OSBPL3: variants seen among roughly 807,000 people sequenced by gnomAD.
OSBPL3 encodes the protein oxysterol binding protein like 3, also known as oxysterol-binding protein-related protein 3.
A neutral mutation model predicts 120.1 loss-of-function variants in OSBPL3; 65 were observed. The ratio of observed to expected loss-of-function variants is 0.54; its 90% CI spans 0.44 to 0.67. OSBPL3 has a LOEUF of 0.67. OSBPL3 is among the 30% of genes least tolerant of loss of function. The pLI is 0.00. For missense variants in OSBPL3, 1,004 were observed against 1,082.1 expected, an observed-to-expected ratio of 0.93 and a Z score of 1.01; for synonymous variants, 416 against 402.6, an observed-to-expected ratio of 1.03 and a Z score of -0.40.
At position 24,937,664 on chromosome 7, in the gene OSBPL3, G is replaced by GT. The variant is rs1330162443; in HGVS notation, c.-150+42221dup. On this transcript the variant is annotated intron_variant, in intron 1 of 22. Coordinates refer to ENST00000313367, the MANE Select transcript of OSBPL3 (RefSeq NM_015550.4). The surrounding 1 kb of genome is among the most constrained non-coding windows in gnomAD (Gnocchi z 4.0). ...TACATATCTGGAAATAGAACTGGAG[G>GT]TTTATGGTGCTATCAGGCATAAAAC... Among the ~76,000 whole-genome samples the GT allele has an allele frequency of 6.6e-6, 1 of 152,164 alleles. No homozygotes were observed. Among genetic ancestry groups the GT allele is most frequent in the East Asian group, 1.9e-4 (1 of 5,198 alleles).
At position 24,877,392 on chromosome 7, in the gene OSBPL3, G is replaced by A. The variant is rs1021282428; in HGVS notation, c.97-5323C>T. Among the ~76,000 whole-genome samples, 1 of 152,066 alleles carries A rather than the reference G, an allele frequency of 6.6e-6. No individual in the cohort carries two copies. The highest frequency in any genetic ancestry group is 1.5e-5 in the Non-Finnish European group (1 of 68,010). On this transcript the variant is annotated intron_variant, in intron 2 of 22. Coordinates refer to ENST00000313367, the MANE Select transcript of OSBPL3 (RefSeq NM_015550.4). This position sits in a 1 kb window ranked among gnomAD's most constrained non-coding sequence, Gnocchi z 4.8. ...TGCATTTTAAGGCTGCCAAGTCTTC[G>A]CCATTCATTTTTTTTCATATTTGGA...
intron 2 of OSBPL3, among the ~76,000 whole-genome samples, chr7:24,890,387 C>T (rs1365334901): frequency 6.6e-6 from 1 of 152,132 alleles, no homozygotes; most frequent in Non-Finnish European, 1.5e-5. Flanking sequence ...AATGGCTGTG[C>T]CCTAAGTGAG....
chr7:24,868,351 GTGTGTGTGTGTGTGTGTGTC>G (rs1323168728), intron 5 of OSBPL3, among the ~76,000 whole-genome samples: 2 of 141,862 alleles, frequency 1.4e-5, no homozygotes, highest in East Asian at 2.1e-4. Context: ...GTGTGTGTGT[GTGTGTGTGTGTGTGTGTGTC>G]TGTGTGTGAT....
intron 1 of OSBPL3, among the ~76,000 whole-genome samples, chr7:24,962,468 G>A (rs566883945): frequency 1.1e-4 from 17 of 150,538 alleles, no homozygotes; most frequent in African/African-American, 4.1e-4. Context: ...GAGGAGAGAG[G>A]AGGAGAGAGG....
intron 1 of OSBPL3, among the ~76,000 whole-genome samples, chr7:24,975,835 T>C (rs114037001): frequency 2.6e-4 from 40 of 152,352 alleles, no homozygotes; most frequent in African/African-American, 9.6e-4. Context: ...AGAGAGATTA[T>C]GCTGACAAAA....
rs57963279 is a variant in OSBPL3 at position 24,812,304 on chromosome 7, CAA to C, written c.2173-2355_2173-2354del. On this transcript the variant is annotated intron_variant, in intron 19 of 22. Coordinates refer to ENST00000313367, the MANE Select transcript of OSBPL3 (RefSeq NM_015550.4). ...AGTGGGTGAGATTGAGACTCCATCT[CAA>C]AAAAAAAAAAAAAAAAAAGAACAAG... Among the ~76,000 whole-genome samples, 318 of 97,024 alleles carry C rather than the reference CAA, an allele frequency of 3.3e-3. 2 individuals are homozygous for C. The highest frequency in any genetic ancestry group is 1.0e-2 in the African/African-American group (242 of 24,218). The allele number at this position is 97,024 out of a possible 152,430, so 63.7% of individuals were successfully genotyped here. A position where few individuals can be genotyped will look rare whatever the true frequency, so the allele number is the denominator to read the frequency against.
chr7:24,865,948 G>A (rs1801252209), intron 6 of OSBPL3, 122 bp downstream of exon 6: 2 of 729,252 alleles, frequency 2.7e-6, no homozygotes, highest in South Asian at 1.7e-5. Flanking sequence ...TTAAATACCA[G>A]CCCAAGCCTA....
intron 1 of OSBPL3, among the ~76,000 whole-genome samples, chr7:24,909,626 A>G (rs1050761097): frequency 2.6e-5 from 4 of 152,106 alleles, no homozygotes; most frequent in South Asian, 4.2e-4. Flanking sequence ...CATGCCTTCA[A>G]ATTAGGAACC....
At position 24,834,235 on chromosome 7, in the gene OSBPL3, C is replaced by T. The variant is rs546920822; in HGVS notation, c.1746+251G>A. 4 of 1,223,646 alleles carry T rather than the reference C, an allele frequency of 3.3e-6. No homozygotes were observed. In the South Asian group the frequency reaches 1.2e-4, roughly 37 times the overall value. The allele number at this position is 1,223,646 out of a possible 1,614,324, so 75.8% of individuals were successfully genotyped here. A position where few individuals can be genotyped will look rare whatever the true frequency, so the allele number is the denominator to read the frequency against. On this transcript the variant is annotated intron_variant, in intron 15 of 22. Coordinates refer to ENST00000313367, the MANE Select transcript of OSBPL3 (RefSeq NM_015550.4). This position sits in a 1 kb window ranked among gnomAD's most constrained non-coding sequence, Gnocchi z 5.2. The stretch of plus-strand genomic sequence containing the variant: ...CTTCTGGAGAAAGAGGAAGCACAAA[C>T]CCACAGAACAGAACTACCCCAGGCA...
intron 20 of OSBPL3, among the ~76,000 whole-genome samples, chr7:24,807,714 T>C (rs1013922624): frequency 1.3e-5 from 2 of 152,110 alleles, no homozygotes; most frequent in East Asian, 3.8e-4. Flanking sequence ...TTACCAATTC[T>C]TGCCTCTCCT....
Position 24,818,510 on chromosome 7 carries a change from T to C in OSBPL3, c.1948+1665A>G, listed in dbSNP as rs897769143. Among the ~76,000 whole-genome samples the C allele has an allele frequency of 3.3e-5, 5 of 152,212 alleles. No homozygotes were observed. The highest frequency in any genetic ancestry group is 7.3e-5 in the Non-Finnish European group (5 of 68,038). ...CTATATGAAACTGGCATAATATTAT[T>C]TGATGATATTAAAAATATATAACAT... On this transcript the variant is annotated intron_variant, in intron 17 of 22. Transcript: ENST00000313367. The surrounding 1 kb of genome is among the most constrained non-coding windows in gnomAD (Gnocchi z 4.0).
intron 11 of OSBPL3, among the ~76,000 whole-genome samples, chr7:24,850,433 T>C (rs1172511098): frequency 4.6e-5 from 7 of 152,224 alleles, no homozygotes; most frequent in African/African-American, 1.7e-4. Flanking sequence ...TCTGTCTTTC[T>C]GACTCTTTTC....
chr7:24,870,570 A>G (rs1801963831), intron 5 of OSBPL3, among the ~76,000 whole-genome samples, 162 bp downstream of exon 5: 1 of 152,208 alleles, frequency 6.6e-6, no homozygotes. Flanking sequence ...AGTCCTGCAC[A>G]ATGACGTCCC....
In OSBPL3 at chr7:24,937,761, T is replaced by C. The variant is rs1246065615; in HGVS notation, c.-150+42125A>G. ...CCAAGCTGGTTGTTCCAAATGATAT[T>C]GCCATTAATAAAACATGAGCTCCCA... is the stretch of plus-strand genomic sequence containing the variant. On this transcript the variant is annotated intron_variant, in intron 1 of 22. Coordinates refer to ENST00000313367, the MANE Select transcript of OSBPL3 (RefSeq NM_015550.4). The surrounding 1 kb of genome is among the most constrained non-coding windows in gnomAD (Gnocchi z 4.0). Among the ~76,000 whole-genome samples the C allele has an allele frequency of 6.6e-6, 1 of 152,228 alleles. No individual in the cohort carries two copies. The highest frequency in any genetic ancestry group is 1.5e-5 in the Non-Finnish European group (1 of 68,042).
At chr7:24,814,323 T>C (rs1471133370) in intron 19 of OSBPL3, among the ~76,000 whole-genome samples, 1 of 152,036 alleles carries the variant, frequency 6.6e-6, no homozygotes, top group African/African-American at 2.4e-5. Context: ...TGTGCAAGTA[T>C]GTGTGTGAAA....
chr7:24,806,294 TAGAA>T lies in OSBPL3; in HGVS notation c.2444+478_2444+481del, dbSNP rs1383107382. Reference sequence around the variant, plus strand: ...GGGCTTCTAGATTTTGAGTCTTAATTAGAAAGGCCTTAGGGGAGACATTCTTATT... The same window carrying T: ...GGGCTTCTAGATTTTGAGTCTTAATTAGGCCTTAGGGGAGACATTCTTATT... On this transcript the variant is annotated intron_variant, in intron 21 of 22. Coordinates refer to ENST00000313367, the MANE Select transcript of OSBPL3 (RefSeq NM_015550.4). This position sits in a 1 kb window ranked among gnomAD's most constrained non-coding sequence, Gnocchi z 5.2. 6.6e-6 allele frequency among the ~76,000 whole-genome samples: 1 copy of T among 152,174 alleles called. No homozygotes were observed. Among genetic ancestry groups the T allele is most frequent in the African/African-American group, 2.4e-5 (1 of 41,424 alleles).
Position 24,855,196 on chromosome 7 carries a change from CACACACACAGG to C in OSBPL3, c.1028-2573_1028-2563del, listed in dbSNP as rs1799684723. Among the ~76,000 whole-genome samples the C allele has an allele frequency of 6.6e-6, 1 of 152,116 alleles. No individual in the cohort carries two copies. The highest frequency in any genetic ancestry group is 1.5e-5 in the Non-Finnish European group (1 of 68,012). The stretch of plus-strand genomic sequence containing the variant: ...GGCACTATGCCCCTCCCCTGCCTGC[CACACACACAGG>C]ATGCCCATGGCCATCTCAGTGGGTC... On this transcript the variant is annotated intron_variant, in intron 10 of 22. Transcript: ENST00000313367. The surrounding 1 kb of genome is among the most constrained non-coding windows in gnomAD (Gnocchi z 4.3).
chr7:24,970,628 CAT>C (rs139711612), intron 1 of OSBPL3, among the ~76,000 whole-genome samples: 23,523 of 152,082 alleles, frequency 0.15, 2,041 homozygotes, highest in African/African-American at 0.22. Context: ...GTGCTATAAA[CAT>C]ATATATCCCG....
At chr7:24,814,643 C>G (rs1010857753) in intron 19 of OSBPL3, among the ~76,000 whole-genome samples, 1 of 152,158 alleles carries the variant, frequency 6.6e-6, no homozygotes, top group Admixed American at 6.5e-5. Flanking sequence ...CTAATTCCCC[C>G]TTCCTCCCTC....
Sources: gnomAD v4.1 joint callset for allele counts (sites outside exome capture counted in the v4.1 genomes callset) on GRCh38, gnomAD v4.1.1 for gene constraint, Gnocchi (gnomAD v3.1) non-coding constraint, MANE v1.5 for transcripts, NCBI Gene and HGNC (gene_info 2026-07-23, HGNC 2026-07-21) for gene names.